MSL2: variants seen among roughly 807,000 people sequenced by gnomAD.
MSL2 encodes the protein E3 ubiquitin-protein ligase MSL2.
MSL2 carries 2 observed loss-of-function variants against 35.8 expected under a neutral mutation model. The observed-to-expected ratio is 0.06, with a 90% confidence interval of 0.02 to 0.18. MSL2 has a LOEUF of 0.18. MSL2 is among the 10% of genes least tolerant of loss of function. The pLI, the probability that MSL2 is intolerant of heterozygous loss-of-function variation, is 1.00. For missense variants in MSL2, 523 were observed against 706.7 expected, an observed-to-expected ratio of 0.74 and a Z score of 2.95; for synonymous variants, 296 against 255.7, an observed-to-expected ratio of 1.16 and a Z score of -1.50.
intron 1 of MSL2, among the ~76,000 whole-genome samples, chr3:136,191,558 T>C (rs187219784): frequency 6.6e-4 from 100 of 151,266 alleles, no homozygotes; most frequent in African/African-American, 2.4e-3. Context: ...GGCACAAGGA[T>C]AGTTTGAGCC....
At chr3:136,180,722 G>C (rs1208017086) in intron 1 of MSL2, among the ~76,000 whole-genome samples, 1 of 134,380 alleles carries the variant, frequency 7.4e-6, no homozygotes, top group Non-Finnish European at 1.6e-5. Flanking sequence ...AAAAACAAAA[G>C]AAAAGAAAAG....
Position 136,196,033 on chromosome 3 carries a change from C to T in MSL2, c.-920G>A, listed in dbSNP as rs567589352. ...CCGCCGAGCACGACGGCCGCCGCCGCCCTCAGCACTCCCCGGCCGCGGAAG... is the reference window on the plus strand; with the variant it reads ...CCGCCGAGCACGACGGCCGCCGCCGTCCTCAGCACTCCCCGGCCGCGGAAG... On this transcript the variant is annotated 5_prime_UTR_variant, in exon 1 of 2. Coordinates refer to ENST00000309993, the MANE Select transcript of MSL2 (RefSeq NM_018133.4). 22 of 163,746 alleles carry T rather than the reference C, an allele frequency of 1.3e-4. No homozygotes were observed. Among genetic ancestry groups the T allele is most frequent in the Admixed American group, 3.9e-4 (6 of 15,322 alleles). The allele number at this position is 163,746 out of a possible 1,614,324, so 10.1% of individuals were successfully genotyped here.
chr3:136,160,211 GGT>G (rs952617327), intron 1 of MSL2, among the ~76,000 whole-genome samples: 3 of 149,346 alleles, frequency 2.0e-5, no homozygotes, highest in Non-Finnish European at 4.4e-5. Flanking sequence ...GAGAAGCAGA[GGT>G]TGCAGTGAGC....
At chr3:136,157,059 A>G (rs1334123123) in intron 1 of MSL2, among the ~76,000 whole-genome samples, 1 of 152,214 alleles carries the variant, frequency 6.6e-6, no homozygotes. Flanking sequence ...ATAAAAAAGC[A>G]AAGTCTCAAG....
chr3:136,174,894 A>G (rs1346030442), intron 1 of MSL2, among the ~76,000 whole-genome samples: 3 of 152,234 alleles, frequency 2.0e-5, no homozygotes, highest in South Asian at 4.1e-4. Flanking sequence ...TATGTTTAAA[A>G]TAAGTAAATA....
At chr3:136,177,754 C>T (rs1038643047) in intron 1 of MSL2, among the ~76,000 whole-genome samples, 3 of 149,116 alleles carry the variant, frequency 2.0e-5, no homozygotes, top group East Asian at 2.0e-4. Context: ...ATTACTTTAA[C>T]GTTCACTATA....
At position 136,152,493 on chromosome 3, in the gene MSL2, A is replaced by G. The variant is rs1174126282; in HGVS notation, c.388T>C (p.Leu130=). Reference sequence around the variant, plus strand: ...AATGATCCATCATTAAGCAAAGCCAAAATATCAGAAGAACAGTCAACTGCT... The same window carrying G: ...AATGATCCATCATTAAGCAAAGCCAGAATATCAGAAGAACAGTCAACTGCT... The part of the protein sequence containing the change: ...IEAVDCSSDI[L]ALLNDGSLFC... The change falls in exon 2 of 2, where the codon TTG becomes CTG. Residue 130 remains leucine (L), a synonymous_variant. Coordinates refer to ENST00000309993, the MANE Select transcript of MSL2 (RefSeq NM_018133.4). The G allele has an allele frequency of 6.2e-7, 1 of 1,614,212 alleles. No individual in the cohort carries two copies. The highest frequency in any genetic ancestry group is 8.5e-7 in the Non-Finnish European group (1 of 1,180,032).
At chr3:136,174,385 T>A (rs1301684354) in intron 1 of MSL2, among the ~76,000 whole-genome samples, 1 of 152,200 alleles carries the variant, frequency 6.6e-6, no homozygotes, top group African/African-American at 2.4e-5. Context: ...TCCAGCACTA[T>A]CTGTACTTCT....
chr3:136,186,409 G>A (rs1312389237), intron 1 of MSL2, among the ~76,000 whole-genome samples: 1 of 152,172 alleles, frequency 6.6e-6, no homozygotes, highest in East Asian at 1.9e-4. Context: ...AAGCCTCCAG[G>A]TTATGGACAG....
At position 136,188,286 on chromosome 3, in the gene MSL2, T is replaced by G. The variant is rs539709956; in HGVS notation, c.142+6686A>C. Among the ~76,000 whole-genome samples, 490 of 147,646 alleles carry G rather than the reference T, an allele frequency of 3.3e-3. 2 individuals carry two copies. Among genetic ancestry groups the G allele is most frequent in the Non-Finnish European group, 5.9e-3 (398 of 67,918 alleles). On this transcript the variant is annotated intron_variant, in intron 1 of 1. Transcript: ENST00000309993. ...CCGTGTCTACTAAAAATACACTAAT[T>G]AGCTAGGCGTGGTGGGGCATGCCTA...
chr3:136,151,214 A>C lies in MSL2; in HGVS notation c.1667T>G (p.Phe556Cys). The change falls in exon 2 of 2, where the codon TTT becomes TGT. Residue 556 changes from phenylalanine to cysteine, a missense_variant. Phe to Cys is a radical substitution (Grantham distance 205). Coordinates refer to ENST00000309993, the MANE Select transcript of MSL2 (RefSeq NM_018133.4). This position sits in a 1 kb window ranked among gnomAD's most constrained non-coding sequence, Gnocchi z 5.2. ...ATCATCATGTGTACTGGCAGCTAAA[A>C]ACGTCGTTACTGGGGACCCTGTGAC... ...INVTGSPVTT[F>C]LAASTHDDKS... 6.2e-7 allele frequency: 1 copy of C among 1,614,200 alleles called. No individual in the cohort carries two copies. Among genetic ancestry groups the C allele is most frequent in the Non-Finnish European group, 8.5e-7 (1 of 1,180,032 alleles).
Position 136,150,095 on chromosome 3 carries a change from C to T in MSL2, c.*1052G>A, listed in dbSNP as rs904445944. 6.6e-5 allele frequency: 10 copies of T among 152,536 alleles called. No individual in the cohort carries two copies. Among genetic ancestry groups the T allele is most frequent in the African/African-American group, 2.4e-4 (10 of 41,406 alleles). The allele number at this position is 152,536 out of a possible 1,614,324, so 9.4% of individuals were successfully genotyped here. A position where few individuals can be genotyped will look rare whatever the true frequency, so the allele number is the denominator to read the frequency against. ...GCAAAAGAGCATTCTAAAGAAAATC[C>T]TCCTAGCTTCAACCTACCTAAATGC... On this transcript the variant is annotated 3_prime_UTR_variant, in exon 2 of 2. Coordinates refer to ENST00000309993, the MANE Select transcript of MSL2 (RefSeq NM_018133.4).
chr3:136,158,593 G>C (rs975717853), intron 1 of MSL2, among the ~76,000 whole-genome samples: 2 of 151,912 alleles, frequency 1.3e-5, no homozygotes, highest in Admixed American at 1.3e-4. Context: ...TTTCAAAATT[G>C]TACTTGTTCT....
chr3:136,184,767 A>C (rs1940469121), intron 1 of MSL2, among the ~76,000 whole-genome samples: 1 of 145,430 alleles, frequency 6.9e-6, no homozygotes, highest in Non-Finnish European at 1.5e-5. Flanking sequence ...GGGGGGGACA[A>C]AGGTCACGTG....
chr3:136,178,160 G>A (rs747448238), intron 1 of MSL2, among the ~76,000 whole-genome samples: 4 of 152,098 alleles, frequency 2.6e-5, no homozygotes, highest in Non-Finnish European at 4.4e-5. Context: ...AAAAGAGAAC[G>A]CCAGACATCG....
At chr3:136,186,356 A>G (rs1037750780) in intron 1 of MSL2, among the ~76,000 whole-genome samples, 2 of 152,202 alleles carry the variant, frequency 1.3e-5, no homozygotes, top group African/African-American at 4.8e-5. Flanking sequence ...ATTTGCACAT[A>G]ACCTAAGCAT....
intron 1 of MSL2, chr3:136,155,415 A>G (rs1179738905): frequency 6.4e-6 from 1 of 157,430 alleles, no homozygotes; most frequent in African/African-American, 2.4e-5. Flanking sequence ...GAGGCAAAAG[A>G]ATCGTTTGAA....
Position 136,194,976 on chromosome 3 carries a change from A to G in MSL2, c.138T>C (p.Val46=), listed in dbSNP as rs184843008. 8.2e-5 allele frequency: 133 copies of G among 1,613,890 alleles called. 1 individual carries two copies. In the East Asian group the frequency reaches 2.9e-3, roughly 35 times the overall value. The change falls in exon 1 of 2, where the codon GTT becomes GTC. Residue 46 remains valine (V), a synonymous_variant. Transcript: ENST00000309993. ...PYFRQSLSCC[V]CGHLLQDPIA... is the part of the protein sequence containing the mutation. ...GAACAATAAAAAGCGTCTCACCGCA[A>G]ACACAGCACGAAAGGGACTGTCGGA...
At chr3:136,168,999 C>A (rs1939932711) in intron 1 of MSL2, among the ~76,000 whole-genome samples, 1 of 152,014 alleles carries the variant, frequency 6.6e-6, no homozygotes, top group Admixed American at 6.6e-5. Flanking sequence ...TTGTTGCCAG[C>A]CATATCACAC....
Sources: allele counts gnomAD v4.1 joint callset (sites outside exome capture counted in the v4.1 genomes callset), GRCh38; gene constraint gnomAD v4.1.1; non-coding constraint Gnocchi (gnomAD v3.1); transcripts MANE v1.5; gene names NCBI Gene and HGNC (gene_info 2026-07-23, HGNC 2026-07-21).